Variants in WDR70 observed in about 807,000 individuals in gnomAD.
WDR70 encodes WD repeat-containing protein 70.
WDR70 carries 53 observed loss-of-function variants against 88.6 expected under a neutral mutation model. That is an observed-to-expected ratio of 0.60 (90% CI 0.48 to 0.75). The LOEUF is 0.75. Among genes scored for constraint, WDR70 ranks in the 30% least tolerant of loss-of-function variants. The probability of loss-of-function intolerance (pLI) is 0.00; values close to 1 mark genes in which losing one functional copy is unlikely to be tolerated. For synonymous variants in WDR70, 280 were observed against 270.0 expected, an observed-to-expected ratio of 1.04 and a Z score of -0.36; for missense variants, 610 against 823.2, an observed-to-expected ratio of 0.74 and a Z score of 3.17.
intron 7 of WDR70, among the ~76,000 whole-genome samples, chr5:37,466,319 A>T (rs1739148012): frequency 6.6e-6 from 1 of 152,238 alleles, no homozygotes; most frequent in South Asian, 2.1e-4. Context: ...CTGTTTTTCC[A>T]AAGTTGAGAC....
At chr5:37,570,392 G>T (rs959650948) in intron 9 of WDR70, among the ~76,000 whole-genome samples, 2 of 152,136 alleles carry the variant, frequency 1.3e-5, no homozygotes, top group Admixed American at 6.5e-5. Context: ...TTTAAGAAGT[G>T]CCAGAAGATA....
At chr5:37,723,241 G>A (rs372878899) in intron 15 of WDR70, 1 of 276,088 alleles carries the variant, frequency 3.6e-6, no homozygotes. Flanking sequence ...ACAAGAAAGA[G>A]TGCTGGTCTT....
intron 9 of WDR70, among the ~76,000 whole-genome samples, chr5:37,559,976 A>G (rs1742450833): frequency 6.6e-6 from 1 of 151,962 alleles, no homozygotes; most frequent in Admixed American, 6.6e-5. Context: ...GTTTTGACTC[A>G]TGAGCTTTGT....
intron 8 of WDR70, among the ~76,000 whole-genome samples, chr5:37,500,715 G>GTTTT (rs1167220429): frequency 4.2e-4 from 24 of 57,242 alleles, no homozygotes; most frequent in Admixed American, 1.0e-3. Context: ...ATATTTGTTG[G>GTTTT]CTTTTTTTTT....
At chr5:37,596,309 T>G (rs540906061) in intron 9 of WDR70, among the ~76,000 whole-genome samples, 1 of 152,290 alleles carries the variant, frequency 6.6e-6, no homozygotes, top group South Asian at 2.1e-4. Context: ...ATAAGACACC[T>G]TGGCATCTAT....
intron 7 of WDR70, among the ~76,000 whole-genome samples, chr5:37,449,373 C>T (rs554338097): frequency 1.2e-4 from 18 of 152,190 alleles, no homozygotes; most frequent in African/African-American, 3.9e-4. Flanking sequence ...GGGCAGATCA[C>T]CTGAGGTCAG....
intron 8 of WDR70, among the ~76,000 whole-genome samples, chr5:37,487,627 ATT>A (rs70978825): frequency 0.014 from 982 of 69,008 alleles, 5 homozygotes; most frequent in African/African-American, 0.032. Context: ...ATATATATGT[ATT>A]TTTTTTTTTT....
At chr5:37,729,551 T>C (rs1176123318) in intron 17 of WDR70, among the ~76,000 whole-genome samples, 1 of 152,200 alleles carries the variant, frequency 6.6e-6, no homozygotes, top group African/African-American at 2.4e-5. Context: ...GTCTGGCATA[T>C]ACATTAACTA....
intron 5 of WDR70, among the ~76,000 whole-genome samples, chr5:37,417,234 C>G (rs970960751): frequency 9.2e-5 from 14 of 151,676 alleles, no homozygotes; most frequent in African/African-American, 3.4e-4. Context: ...TTGTTTTTTT[C>G]TTTTTTTGAG....
chr5:37,615,807 C>T (rs1358180244), intron 10 of WDR70, among the ~76,000 whole-genome samples: 1 of 152,134 alleles, frequency 6.6e-6, no homozygotes, highest in Non-Finnish European at 1.5e-5. Flanking sequence ...TTCTTTGCCT[C>T]CTATAACCAG....
intron 8 of WDR70, among the ~76,000 whole-genome samples, chr5:37,488,197 CTA>C (rs1344997656): frequency 6.8e-6 from 1 of 147,258 alleles, no homozygotes; most frequent in African/African-American, 2.5e-5. Context: ...TTATATGTGA[CTA>C]GACTTTTTTT....
chr5:37,720,974 G>C, intron 13 of WDR70, 141 bp from the exon 14 acceptor site: 2 of 700,264 alleles, frequency 2.9e-6, no homozygotes, highest in Non-Finnish European at 4.9e-6. Flanking sequence ...CAACTTTATG[G>C]TTTAAAAGAA....
At chr5:37,385,800 C>G (rs959710680) in intron 3 of WDR70, among the ~76,000 whole-genome samples, 1 of 145,282 alleles carries the variant, frequency 6.9e-6, no homozygotes, top group Non-Finnish European at 1.5e-5. Context: ...AAACAAAGAC[C>G]AAATATATAT....
intron 10 of WDR70, among the ~76,000 whole-genome samples, chr5:37,661,998 A>G (rs750621707): frequency 2.0e-5 from 3 of 152,204 alleles, no homozygotes. Context: ...GGAAAAGGCT[A>G]TTATCTATTT....
chr5:37,583,087 G>T (rs1743265542), intron 9 of WDR70, among the ~76,000 whole-genome samples: 1 of 152,154 alleles, frequency 6.6e-6, no homozygotes, highest in Non-Finnish European at 1.5e-5. Context: ...CCTACATGCA[G>T]TTCTTCCGCC....
intron 7 of WDR70, among the ~76,000 whole-genome samples, chr5:37,461,029 A>C (rs1451722417): frequency 2.1e-5 from 3 of 145,032 alleles, no homozygotes; most frequent in Non-Finnish European, 3.0e-5. Flanking sequence ...GTTTGTTTTT[A>C]TTTTGCTCAG....
chr5:37,500,851 G>A (rs1740387779), intron 8 of WDR70, among the ~76,000 whole-genome samples: 2 of 147,284 alleles, frequency 1.4e-5, no homozygotes, highest in Admixed American at 1.4e-4. Context: ...TCAGCCTCCC[G>A]AGTAGCTGGG....
At chr5:37,557,957 A>ACTCTTTTGAAAACTCTTGAAAAGAGTAC in intron 9 of WDR70, among the ~76,000 whole-genome samples, 1 of 139,252 alleles carries the variant, frequency 7.2e-6, no homozygotes, top group African/African-American at 2.6e-5. Context: ...TCAAAAGAGT[A>ACTCTTTTGAAAACTCTTGAAAAGAGTAC]TTATGTATAT....
intron 9 of WDR70, among the ~76,000 whole-genome samples, chr5:37,566,475 C>T (rs1397021152): frequency 3.9e-5 from 6 of 151,972 alleles, no homozygotes; most frequent in East Asian, 1.9e-4. Context: ...TGAACTTAAT[C>T]GTATTTTTTC....
Sources: gnomAD v4.1 joint callset for allele counts (sites outside exome capture counted in the v4.1 genomes callset) on GRCh38, gnomAD v4.1.1 for gene constraint, MANE v1.5 for transcripts, NCBI Gene and HGNC (gene_info 2026-07-23, HGNC 2026-07-21) for gene names.